The following PLAA variants were observed in gnomAD, a reference collection of about 807,000 sequenced individuals.
PLAA encodes the protein phospholipase A-2-activating protein.
Under a neutral mutation model 84.1 loss-of-function variants are expected in PLAA, and 48 were observed. That is an observed-to-expected ratio of 0.57 (90% CI 0.45 to 0.73). The LOEUF is 0.73. PLAA is among the 30% of genes least tolerant of loss of function. The pLI is 0.00. For missense variants in PLAA, 903 were observed against 954.7 expected, an observed-to-expected ratio of 0.95 and a Z score of 0.71; for synonymous variants, 392 against 336.6, an observed-to-expected ratio of 1.16 and a Z score of -1.80.
intron 9 of PLAA, among the ~76,000 whole-genome samples, chr9:26,919,008 C>T (rs963982421): frequency 5.9e-5 from 9 of 151,990 alleles, no homozygotes; most frequent in South Asian, 4.2e-4. Context: ...CTAAATTTTG[C>T]CAAAATATAA....
chr9:26,927,723 A>G (rs1825023101), intron 4 of PLAA, among the ~76,000 whole-genome samples: 1 of 152,190 alleles, frequency 6.6e-6, no homozygotes, highest in African/African-American at 2.4e-5. Flanking sequence ...TTTCTTCCAT[A>G]TATGAAGATA....
intron 7 of PLAA, among the ~76,000 whole-genome samples, chr9:26,922,463 C>T (rs887850179): frequency 6.6e-6 from 1 of 151,948 alleles, no homozygotes; most frequent in South Asian, 2.1e-4. Context: ...TCTAGTATTA[C>T]AAAAATTAGT....
intron 9 of PLAA, among the ~76,000 whole-genome samples, chr9:26,918,286 G>GTTTTTTTT (rs1275920023): frequency 9.7e-6 from 1 of 103,328 alleles, no homozygotes; most frequent in African/African-American, 4.2e-5. Context: ...CTAATTTTTT[G>GTTTTTTTT]TATTTTTTTT....
chr9:26,910,487 A>G (rs559209726), intron 11 of PLAA, 48 bp from the exon 12 acceptor site: 19 of 1,434,366 alleles, frequency 1.3e-5, no homozygotes, highest in Middle Eastern at 2.0e-4. Context: ...GTGATCAAAA[A>G]TGAGATTTTT....
intron 1 of PLAA, among the ~76,000 whole-genome samples, chr9:26,946,086 G>A (rs1303160728): frequency 3.9e-5 from 6 of 152,146 alleles, no homozygotes; most frequent in African/African-American, 1.4e-4. Context: ...TGAATTTATG[G>A]ATGGTGACTC....
Position 26,935,220 on chromosome 9 carries a change from A to G in PLAA, c.150-14T>C, listed in dbSNP as rs771644808. On this transcript the variant is annotated splice_polypyrimidine_tract_variant and intron_variant, in intron 1 of 13. Transcript: ENST00000397292. The stretch of plus-strand genomic sequence containing the variant: ...CTCCTGTTTGGACTGGAAAGACAAG[A>G]TAATTAATAGATACATATTCGTACC... 4 of 1,512,300 alleles carry G rather than the reference A, an allele frequency of 2.6e-6. No homozygotes were observed. Among genetic ancestry groups the G allele is most frequent in the Non-Finnish European group, 3.5e-6 (4 of 1,129,260 alleles). The allele number at this position is 1,512,300 out of a possible 1,614,324, so 93.7% of individuals were successfully genotyped here.
intron 1 of PLAA, among the ~76,000 whole-genome samples, chr9:26,942,671 A>G (rs1042699192): frequency 2.6e-5 from 4 of 152,174 alleles, no homozygotes; most frequent in African/African-American, 9.6e-5. Flanking sequence ...TCACGAGGTC[A>G]GGAGATCCAG....
chr9:26,905,947 C>T lies in PLAA; in HGVS notation c.1952G>A (p.Gly651Glu). Residue 651 changes from glycine to glutamate, a missense_variant, in exon 14 of 14, where the codon GGA (glycine) becomes GAA (glutamate). Physicochemically the swap from Gly to Glu is moderately conservative, Grantham distance 98. Coordinates refer to ENST00000397292, the MANE Select transcript of PLAA (RefSeq NM_001031689.3). ...AGCAAGCAGCTGGTTTGCTGGCTTT[C>T]CTTTAGGGTTCAGAAGATTGATAAG... is the stretch of plus-strand genomic sequence containing the variant. ...SHLINLLNPK[G>E]KPANQLLALR... 1 of 1,614,114 alleles carries T rather than the reference C, an allele frequency of 6.2e-7. No homozygotes were observed. Among genetic ancestry groups the T allele is most frequent in the Middle Eastern group, 1.6e-4 (1 of 6,062 alleles).
chr9:26,941,910 T>A (rs921309668), intron 1 of PLAA, among the ~76,000 whole-genome samples: 4 of 151,990 alleles, frequency 2.6e-5, no homozygotes, highest in Non-Finnish European at 5.9e-5. Flanking sequence ...GTTTTCATAT[T>A]AAAAGGGCCC....
At chr9:26,922,413 A>G (rs1249327699) in intron 7 of PLAA, among the ~76,000 whole-genome samples, 1 of 152,070 alleles carries the variant, frequency 6.6e-6, no homozygotes, top group Non-Finnish European at 1.5e-5. Context: ...TTTGCACCAT[A>G]AGTGCAAACA....
intron 1 of PLAA, among the ~76,000 whole-genome samples, chr9:26,943,374 A>AT (rs1825599048): frequency 6.6e-6 from 1 of 152,208 alleles, no homozygotes. Flanking sequence ...AACTTTCCCC[A>AT]TTATTCCCAG....
chr9:26,945,192 C>T (rs564664872), intron 1 of PLAA, among the ~76,000 whole-genome samples: 1 of 152,244 alleles, frequency 6.6e-6, no homozygotes, highest in Admixed American at 6.5e-5. Flanking sequence ...ATCAGTTCAG[C>T]CCAAAGTTCT....
intron 4 of PLAA, 112 bp downstream of exon 4, chr9:26,927,988 C>G (rs887652047): frequency 8.6e-7 from 1 of 1,166,832 alleles, no homozygotes; most frequent in Admixed American, 2.4e-5. Context: ...AAATTAATAG[C>G]TTAAATATAC....
At chr9:26,926,598 A>G (rs1587171673) in intron 4 of PLAA, 38 bp from the exon 5 acceptor site, 4 of 1,516,132 alleles carry the variant, frequency 2.6e-6, no homozygotes, top group Non-Finnish European at 3.6e-6. Flanking sequence ...AATAAAACTG[A>G]TAATTTGGCT....
At chr9:26,915,603 C>T (rs1824524338) in intron 10 of PLAA, 2 of 697,516 alleles carry the variant, frequency 2.9e-6, no homozygotes, top group East Asian at 1.3e-4. Context: ...ACATATTATG[C>T]TATTTTATTT....
At chr9:26,913,241 C>G (rs544623237) in intron 11 of PLAA, among the ~76,000 whole-genome samples, 24 of 151,922 alleles carry the variant, frequency 1.6e-4, no homozygotes, top group Non-Finnish European at 3.1e-4. Context: ...AGAGATGAAC[C>G]ACAAATTTAG....
chr9:26,941,292 G>A (rs1339180229), intron 1 of PLAA, among the ~76,000 whole-genome samples: 1 of 151,786 alleles, frequency 6.6e-6, no homozygotes, highest in East Asian at 1.9e-4. Context: ...TTGAATGGGG[G>A]GACATAAGGA....
chr9:26,919,049 T>C (rs1824667379), intron 9 of PLAA: 2 of 335,662 alleles, frequency 6.0e-6, no homozygotes, highest in South Asian at 2.0e-4. Flanking sequence ...ATAAAAGAAC[T>C]TACAAGTTTA....
At chr9:26,916,978 G>A (rs1824582636) in intron 10 of PLAA, 119 bp downstream of exon 10, 1 of 832,490 alleles carries the variant, frequency 1.2e-6, no homozygotes. Flanking sequence ...CATCAAAATT[G>A]GAAATGCAGA....
Sources: allele counts gnomAD v4.1 joint callset (sites outside exome capture counted in the v4.1 genomes callset), GRCh38; gene constraint gnomAD v4.1.1; transcripts MANE v1.5; gene names NCBI Gene and HGNC (gene_info 2026-07-23, HGNC 2026-07-21).